ITSN2: variants seen among roughly 807,000 people sequenced by gnomAD.
The protein encoded by ITSN2 is intersectin-2.
In ITSN2, 156 loss-of-function variants were observed where a neutral mutation model predicts 243.7. The ratio of observed to expected loss-of-function variants is 0.64; its 90% CI spans 0.56 to 0.73. The LOEUF is 0.73. ITSN2 is among the 30% of genes least tolerant of loss of function. The probability of loss-of-function intolerance (pLI) is 0.00; values close to 1 mark genes in which losing one functional copy is unlikely to be tolerated. For synonymous variants in ITSN2, 703 were observed against 699.9 expected, an observed-to-expected ratio of 1.00 and a Z score of -0.07; for missense variants, 1,801 against 1,996.1, an observed-to-expected ratio of 0.90 and a Z score of 1.86.
At chr2:24,349,884 C>G (rs1277797107) in intron 1 of ITSN2, among the ~76,000 whole-genome samples, 1 of 152,162 alleles carries the variant, frequency 6.6e-6, no homozygotes, top group Non-Finnish European at 1.5e-5. Flanking sequence ...CCAAAAATAA[C>G]AGCAACTGGA....
At chr2:24,246,051 T>G (rs887909991) in intron 29 of ITSN2, 78 bp downstream of exon 29, 15 of 932,526 alleles carry the variant, frequency 1.6e-5, no homozygotes, top group African/African-American at 5.0e-5. Context: ...TAAGATCTAA[T>G]CCAGAAAAGG....
At chr2:24,284,731 C>T (rs557666279) in intron 17 of ITSN2, 32 bp downstream of exon 17, 1 of 1,295,542 alleles carries the variant, frequency 7.7e-7, no homozygotes, top group South Asian at 1.2e-5. Flanking sequence ...CAAAGTAACT[C>T]AAAGAAAAGA....
chr2:24,302,548 A>G (rs1681914601), intron 9 of ITSN2, among the ~76,000 whole-genome samples: 1 of 152,168 alleles, frequency 6.6e-6, no homozygotes, highest in Non-Finnish European at 1.5e-5. Flanking sequence ...TGCTGGGTAC[A>G]CTTATTTTAG....
At chr2:24,361,124 A>G (rs1688967302), upstream of ITSN2, among the ~76,000 whole-genome samples, 1 of 151,986 alleles carries the variant, frequency 6.6e-6, no homozygotes, top group Non-Finnish European at 1.5e-5. Flanking sequence ...TCCATAACAC[A>G]CGCGGAGCGC....
chr2:24,284,437 T>G (rs1486896295), intron 17 of ITSN2, among the ~76,000 whole-genome samples: 1 of 152,180 alleles, frequency 6.6e-6, no homozygotes, highest in Non-Finnish European at 1.5e-5. Flanking sequence ...TAATCTCACA[T>G]TTTCCTTTGA....
chr2:24,222,181 G>A (rs553628560), intron 29 of ITSN2, among the ~76,000 whole-genome samples: 81 of 148,634 alleles, frequency 5.4e-4, no homozygotes, highest in African/African-American at 2.0e-3. Context: ...GAACCCAGGA[G>A]GTGGAGGTTG....
At chr2:24,277,920 G>T (rs1199986966) in intron 17 of ITSN2, among the ~76,000 whole-genome samples, 2 of 152,216 alleles carry the variant, frequency 1.3e-5, no homozygotes, top group African/African-American at 4.8e-5. Flanking sequence ...ATTCAAAGCT[G>T]TCCTGGGCCG....
At chr2:24,257,723 C>T (rs1195924135) in intron 23 of ITSN2, among the ~76,000 whole-genome samples, 165 bp downstream of exon 23, 1 of 152,122 alleles carries the variant, frequency 6.6e-6, no homozygotes, top group Non-Finnish European at 1.5e-5. Context: ...TCCCAAAATG[C>T]TGGGATTACA....
At chr2:24,218,617 G>C (rs1465963934) in intron 30 of ITSN2, among the ~76,000 whole-genome samples, 1 of 152,162 alleles carries the variant, frequency 6.6e-6, no homozygotes, top group African/African-American at 2.4e-5. Context: ...TGTTTGCAGG[G>C]TTCTCAAGTA....
intron 2 of ITSN2, among the ~76,000 whole-genome samples, chr2:24,315,767 C>T (rs1322166039): frequency 6.6e-6 from 1 of 152,216 alleles, no homozygotes; most frequent in African/African-American, 2.4e-5. Flanking sequence ...TCCCCCCTTG[C>T]TGCTTCTCTC....
intron 29 of ITSN2, among the ~76,000 whole-genome samples, chr2:24,245,229 C>T (rs945103269): frequency 2.6e-5 from 4 of 152,088 alleles, no homozygotes; most frequent in South Asian, 2.1e-4. Flanking sequence ...CTTCACACTT[C>T]GAGATCTGGA....
intron 1 of ITSN2, among the ~76,000 whole-genome samples, chr2:24,335,642 C>A (rs1558647610): frequency 6.6e-6 from 1 of 151,144 alleles, no homozygotes; most frequent in Non-Finnish European, 1.5e-5. Flanking sequence ...CCTTCCAGGG[C>A]TGTTTGTTTG....
chr2:24,340,983 T>C (rs1324830563), intron 1 of ITSN2, among the ~76,000 whole-genome samples: 1 of 152,142 alleles, frequency 6.6e-6, no homozygotes, highest in East Asian at 1.9e-4. Flanking sequence ...AATTATGAAG[T>C]GACTGGCATA....
intron 2 of ITSN2, among the ~76,000 whole-genome samples, chr2:24,319,347 T>G (rs1416259848): frequency 1.3e-5 from 2 of 152,120 alleles, no homozygotes; most frequent in African/African-American, 2.4e-5. Context: ...ATTAATGATA[T>G]TTTCTCTTGT....
intron 13 of ITSN2, among the ~76,000 whole-genome samples, chr2:24,296,412 C>T (rs943779759): frequency 4.6e-5 from 7 of 152,056 alleles, no homozygotes; most frequent in African/African-American, 1.2e-4. Context: ...TGTTAAAGTC[C>T]CAAGCCCCAG....
rs770528803 is a variant in ITSN2 at position 24,310,617 on chromosome 2, G to A, written c.428C>T (p.Ala143Val). The A allele has an allele frequency of 2.7e-5, 43 of 1,613,992 alleles. No homozygotes were observed. The highest frequency in any genetic ancestry group is 4.5e-5 in the East Asian group (2 of 44,900). ...GGGAGGAAGGTTGGTCCCTGAAGTC[G>A]CAGAAGACAATGATGTTATAGGTGC... is the stretch of plus-strand genomic sequence containing the variant. ...PAAPITSLSS[A>V]TSGTNLPPLM... The change falls in exon 6 of 40, where the codon GCG becomes GTG. Residue 143 changes from alanine (A) to valine (V), a missense_variant. Ala to Val is a moderately conservative substitution (Grantham distance 64). Coordinates refer to ENST00000355123, the MANE Select transcript of ITSN2 (RefSeq NM_006277.3).
chr2:24,271,776 C>T lies in ITSN2; in HGVS notation c.2247G>A (p.Glu749=). 1 of 1,579,984 alleles carries T rather than the reference C, an allele frequency of 6.3e-7. No individual in the cohort carries two copies. Among genetic ancestry groups the T allele is most frequent in the South Asian group, 1.2e-5 (1 of 82,632 alleles). ...TATCCTTATCCTTACGTTTTTTCTC[C>T]TCAGCTTTCAAAGTATCCTTATCCT... ...QRKDKDTLKA[E]EKKRETASVL... Residue 749 remains glutamate (E), a synonymous_variant, in exon 19 of 40, where the codon GAG becomes GAA. Transcript: ENST00000355123.
chr2:24,309,628 C>T (rs1013647276), intron 7 of ITSN2, among the ~76,000 whole-genome samples: 4 of 152,212 alleles, frequency 2.6e-5, no homozygotes, highest in Non-Finnish European at 4.4e-5. Context: ...CTGCTCTGTG[C>T]CAGACCTTAT....
chr2:24,236,344 G>A (rs1177015076), intron 29 of ITSN2, among the ~76,000 whole-genome samples: 1 of 152,098 alleles, frequency 6.6e-6, no homozygotes, highest in Non-Finnish European at 1.5e-5. Context: ...GAAGGCTGGA[G>A]GGGGGCTTAG....
Sources: gnomAD v4.1 joint callset for allele counts (sites outside exome capture counted in the v4.1 genomes callset) on GRCh38, gnomAD v4.1.1 for gene constraint, MANE v1.5 for transcripts, NCBI Gene and HGNC (gene_info 2026-07-23, HGNC 2026-07-21) for gene names.